Variants in MAP3K7CL observed in about 807,000 individuals in gnomAD.
MAP3K7CL encodes MAP3K7 C-terminal like.
MAP3K7CL carries 16 observed loss-of-function variants against 18.6 expected under a neutral mutation model. The observed-to-expected ratio is 0.86, with a 90% confidence interval of 0.58 to 1.31. The LOEUF (loss-of-function observed/expected upper bound fraction) is 1.31. Among genes scored for constraint, MAP3K7CL ranks in the 50% most tolerant of loss-of-function variants. The pLI, the probability that MAP3K7CL is intolerant of heterozygous loss-of-function variation, is 0.00. For missense variants in MAP3K7CL, 163 were observed against 174.4 expected (o/e 0.93, Z 0.37); for synonymous variants, 65 against 66.8 (o/e 0.97, Z 0.13).
At chr21:29,168,612 A>T (rs2087749478) in intron 4 of MAP3K7CL, among the ~76,000 whole-genome samples, 1 of 152,216 alleles carries the variant, frequency 6.6e-6, no homozygotes, top group African/African-American at 2.4e-5. Flanking sequence ...GGTGCAGCCC[A>T]GTCATTTAAT....
intron 4 of MAP3K7CL, among the ~76,000 whole-genome samples, chr21:29,100,702 T>C (rs1186208359): frequency 9.3e-5 from 1 of 10,732 alleles, no homozygotes; most frequent in African/African-American, 1.2e-3. Context: ...ACAGCAAACT[T>C]TTTTTTTTTT....
upstream of MAP3K7CL, among the ~76,000 whole-genome samples, chr21:29,125,791 A>G (rs960630396): frequency 1.3e-5 from 2 of 152,134 alleles, no homozygotes; most frequent in African/African-American, 2.4e-5. Flanking sequence ...CTTACCTGAC[A>G]TTTCACTGGG....
chr21:29,174,520 C>T (rs2245021), intron 4 of MAP3K7CL, among the ~76,000 whole-genome samples, 192 bp from the exon 5 acceptor site: 42,528 of 151,922 alleles, frequency 0.28, 7,527 homozygotes, highest in Non-Finnish European at 0.37. Context: ...AGTGTCTAGT[C>T]GAGGTGCTAG....
chr21:29,171,408 A>T (rs1011987742), intron 4 of MAP3K7CL, among the ~76,000 whole-genome samples: 4 of 152,218 alleles, frequency 2.6e-5, no homozygotes, highest in African/African-American at 9.6e-5. Context: ...AAGGCAGGCC[A>T]TTGGGTGCAG....
chr21:29,082,835 C>G (rs2085858755), upstream of MAP3K7CL, among the ~76,000 whole-genome samples: 1 of 152,162 alleles, frequency 6.6e-6, no homozygotes, highest in African/African-American at 2.4e-5. Flanking sequence ...CAACTTCATT[C>G]AACAAGTTTC....
chr21:29,092,496 C>G lies in MAP3K7CL; in HGVS notation c.285C>G (p.Val95=), dbSNP rs151187634. 3 of 1,614,124 alleles carry G rather than the reference C, an allele frequency of 1.9e-6. No homozygotes were observed. In the African/African-American group the frequency reaches 4.0e-5, roughly 22 times the overall value. The change falls in exon 4 of 7, where the codon GTC becomes GTG. Residue 95 remains valine (V), a synonymous_variant. Transcript: ENST00000286791. ...CCATGTTGGAGGACAATCCAAAGGT[C>G]AGCAAGTTGGCTACTGGCGATTGGA...
chr21:29,174,833 T>C lies in MAP3K7CL; in HGVS notation c.370T>C (p.Cys124Arg), dbSNP rs2087928779. The C allele has an allele frequency of 3.1e-6, 5 of 1,614,154 alleles. No individual in the cohort carries two copies. Among genetic ancestry groups the C allele is most frequent in the Non-Finnish European group, 4.2e-6 (5 of 1,180,016 alleles). Residue 124 changes from cysteine to arginine, a missense_variant, in exon 5 of 5, where the codon TGT (cysteine) becomes CGT (arginine). Coordinates refer to ENST00000399928, the MANE Select transcript of MAP3K7CL (RefSeq NM_001286620.2). ...GACGTTGAGGTTGGCCCAGTCTCAA[T>C]GTGTGGAACAACTGGAGAAACTTCG... ...NRTLRLAQSQ[C>R]VEQLEKLRIQ...
At chr21:29,129,805 C>T (rs1343219040), upstream of MAP3K7CL, among the ~76,000 whole-genome samples, 2 of 152,220 alleles carry the variant, frequency 1.3e-5, no homozygotes, top group Non-Finnish European at 2.9e-5. Context: ...TCCACAGCCT[C>T]ACCAACATTT....
intron 4 of MAP3K7CL, among the ~76,000 whole-genome samples, chr21:29,100,704 T>A: frequency 1.1e-5 from 1 of 93,612 alleles, no homozygotes; most frequent in African/African-American, 7.9e-5. Context: ...AGCAAACTTT[T>A]TTTTTTTTTT....
At chr21:29,092,022 G>A (rs183511070) in intron 3 of MAP3K7CL, among the ~76,000 whole-genome samples, 1 of 152,180 alleles carries the variant, frequency 6.6e-6, no homozygotes, top group Admixed American at 6.5e-5. Context: ...TTGCAAGCTG[G>A]GCCTGCATGA....
chr21:29,116,393 CAG>C (rs1273682875), intron 4 of MAP3K7CL, among the ~76,000 whole-genome samples: 1 of 152,152 alleles, frequency 6.6e-6, no homozygotes, highest in Non-Finnish European at 1.5e-5. Context: ...CGAGTAAAAT[CAG>C]AGGATGATTT....
intron 4 of MAP3K7CL, among the ~76,000 whole-genome samples, chr21:29,120,772 A>G (rs753982889): frequency 2.1e-5 from 3 of 140,788 alleles, no homozygotes; most frequent in Non-Finnish European, 3.0e-5. Flanking sequence ...TCTTTCATCA[A>G]TTTGAGGAAT....
chr21:29,174,825 A>G lies in MAP3K7CL; in HGVS notation c.362A>G (p.Gln121Arg), dbSNP rs747184994. 2.5e-6 allele frequency: 4 copies of G among 1,614,066 alleles called. No homozygotes were observed. The Admixed American group carries it at 5.0e-5, about 20-fold the overall frequency. Residue 121 changes from glutamine (Q) to arginine (R), a missense_variant, in exon 5 of 5, where the codon CAG becomes CGG. By Grantham distance (43) the Gln-to-Arg change is conservative. Coordinates refer to ENST00000399928, the MANE Select transcript of MAP3K7CL (RefSeq NM_001286620.2). ...GAGAATCGGACGTTGAGGTTGGCCCAGTCTCAATGTGTGGAACAACTGGAG... is the reference window on the plus strand; with the variant it reads ...GAGAATCGGACGTTGAGGTTGGCCCGGTCTCAATGTGTGGAACAACTGGAG... Reference protein sequence around the residue: ...TEENRTLRLAQSQCVEQLEKL... With the variant: ...TEENRTLRLARSQCVEQLEKL...
intron 4 of MAP3K7CL, among the ~76,000 whole-genome samples, chr21:29,116,133 C>T (rs1050192358): frequency 6.6e-5 from 10 of 152,134 alleles, no homozygotes; most frequent in Admixed American, 5.2e-4. Flanking sequence ...ACAGTGGCGA[C>T]GGGTAGTTCA....
chr21:29,123,939 G>C (rs1326017999), intron 4 of MAP3K7CL, among the ~76,000 whole-genome samples: 1 of 152,084 alleles, frequency 6.6e-6, no homozygotes, highest in Admixed American at 6.6e-5. Context: ...GTCCTTCTAG[G>C]TTATATTCTT....
At chr21:29,161,347 G>A (rs950452101) in intron 4 of MAP3K7CL, among the ~76,000 whole-genome samples, 5 of 151,982 alleles carry the variant, frequency 3.3e-5, no homozygotes, top group African/African-American at 4.8e-5. Flanking sequence ...ATGGGATCTT[G>A]TTATCTTGCC....
chr21:29,103,665 G>A (rs377380935), intron 4 of MAP3K7CL, among the ~76,000 whole-genome samples: 2 of 152,046 alleles, frequency 1.3e-5, no homozygotes, highest in East Asian at 1.9e-4. Flanking sequence ...AACCTGGGAG[G>A]TGGAGGTTGC....
chr21:29,134,256 G>A (rs2086837725), intron 2 of MAP3K7CL, among the ~76,000 whole-genome samples: 3 of 152,260 alleles, frequency 2.0e-5, no homozygotes, highest in South Asian at 4.1e-4. Flanking sequence ...GGTGGCTCAC[G>A]ACTGTAATCC....
At chr21:29,127,942 A>G (rs2146610193), upstream of MAP3K7CL, 1 of 152,360 alleles carries the variant, frequency 6.6e-6, no homozygotes, top group South Asian at 2.1e-4. Context: ...TGAGAGCCTG[A>G]TGGTCAGTGC....
Sources: allele counts gnomAD v4.1 joint callset (sites outside exome capture counted in the v4.1 genomes callset), GRCh38; gene constraint gnomAD v4.1.1; transcripts MANE v1.5; gene names NCBI Gene and HGNC (gene_info 2026-07-23, HGNC 2026-07-21).